Variants in YWHAZ observed in about 807,000 individuals in gnomAD.
YWHAZ encodes tyrosine 3-monooxygenase/tryptophan 5-monooxygenase activation protein zeta.
For synonymous variants in YWHAZ, 87 were observed against 103.6 expected (o/e 0.84, Z 0.97); for missense variants, 79 against 284.8 (o/e 0.28, Z 5.20).
chr8:100,923,878 T>TA (rs367978743), intron 5 of YWHAZ, 77 bp downstream of exon 5: 22,275 of 983,132 alleles, frequency 0.023, 14 homozygotes, highest in African/African-American at 0.03. Flanking sequence ...ATGTATTTAA[T>TA]AAAAAAAAAA....
At position 100,917,512 on chromosome 8, in the gene YWHAZ, G is replaced by C. The variant is rs1156747989; in HGVS notation, c.*3181C>G. 6.6e-6 allele frequency: 1 copy of C among 152,272 alleles called. No individual in the cohort carries two copies. The highest frequency in any genetic ancestry group is 1.9e-4 in the East Asian group (1 of 5,206). The allele number at this position is 152,272 out of a possible 1,614,324, so 9.4% of individuals were successfully genotyped here. A position where few individuals can be genotyped will look rare whatever the true frequency, so the allele number is the denominator to read the frequency against. Reference sequence around the variant, plus strand: ...AGGTGGGCGGATCACAAGGTCAGGAGAATGAGACCATCATGGCTAACACGG... The same window carrying C: ...AGGTGGGCGGATCACAAGGTCAGGACAATGAGACCATCATGGCTAACACGG... On this transcript the variant is annotated 3_prime_UTR_variant, in exon 6 of 6. Coordinates refer to ENST00000395958, the MANE Select transcript of YWHAZ (RefSeq NM_145690.3).
At chr8:100,952,156 A>G (rs1810840453), upstream of YWHAZ, 1 of 985,292 alleles carries the variant, frequency 1.0e-6, no homozygotes, top group South Asian at 4.7e-5. Flanking sequence ...TGGTGCCCAC[A>G]GCGATCGGGG....
intron 5 of YWHAZ, 55 bp from the exon 6 acceptor site, chr8:100,920,807 GGC>G: frequency 8.1e-6 from 4 of 494,064 alleles, no homozygotes; most frequent in Non-Finnish European, 1.5e-5. Context: ...GGGGGGGGGG[GGC>G]GTTTTCATAT....
chr8:100,950,525 C>T (rs953995241), intron 1 of YWHAZ: 9 of 985,520 alleles, frequency 9.1e-6, no homozygotes, highest in African/African-American at 1.7e-5. Flanking sequence ...GTCGGAGCCA[C>T]GGCTCAAGTC....
Position 100,951,251 on chromosome 8 carries a change from C to A in YWHAZ, c.-12+678G>T, listed in dbSNP as rs994306051. 483 of 984,932 alleles carry A rather than the reference C, an allele frequency of 4.9e-4. 1 individual carries two copies. Among genetic ancestry groups the A allele is most frequent in the Non-Finnish European group, 5.7e-4 (469 of 829,870 alleles). The allele number at this position is 984,932 out of a possible 1,614,324, so 61.0% of individuals were successfully genotyped here. On this transcript the variant is annotated intron_variant, in intron 1 of 5. Coordinates refer to ENST00000395958, the MANE Select transcript of YWHAZ (RefSeq NM_145690.3). ...CCGGTCTACCTGGCGGGCGCCGCCG[C>A]GCCAGGCCTGGGCTCCGGCCCGCTC...
chr8:100,950,694 C>G lies in YWHAZ; in HGVS notation c.-12+1235G>C, dbSNP rs1445107839. 4.0e-6 allele frequency: 3 copies of G among 754,804 alleles called. No homozygotes were observed. In the African/African-American group the frequency reaches 5.7e-5, roughly 14 times the overall value. 46.8% of individuals were successfully genotyped at this position (754,804 alleles called of 1,614,324 possible). On this transcript the variant is annotated intron_variant, in intron 1 of 5. Transcript: ENST00000395958. Reference sequence around the variant, plus strand: ...AGAGATGGGGAGCGAAGCCGCCCGACCCCGGGGCAGAGACGCCACAGCAGC... The same window carrying G: ...AGAGATGGGGAGCGAAGCCGCCCGAGCCCGGGGCAGAGACGCCACAGCAGC...
At chr8:100,936,581 A>G (rs1415000823) in intron 2 of YWHAZ, among the ~76,000 whole-genome samples, 1 of 152,156 alleles carries the variant, frequency 6.6e-6, no homozygotes, top group African/African-American at 2.4e-5. Flanking sequence ...CGGCCAAATC[A>G]CTTGAGGTCA....
At chr8:100,932,257 A>G (rs1813813537) in intron 2 of YWHAZ, among the ~76,000 whole-genome samples, 2 of 152,168 alleles carry the variant, frequency 1.3e-5, no homozygotes, top group African/African-American at 4.8e-5. Context: ...ACCACATTAG[A>G]CTTCAAGTAC....
intron 2 of YWHAZ, among the ~76,000 whole-genome samples, chr8:100,939,055 A>G (rs1459485199): frequency 6.6e-6 from 1 of 152,230 alleles, no homozygotes; most frequent in Non-Finnish European, 1.5e-5. Context: ...AATCAACAAG[A>G]AATCTGGCAA....
chr8:100,933,358 C>A (rs1476038833), intron 2 of YWHAZ, among the ~76,000 whole-genome samples: 34 of 141,978 alleles, frequency 2.4e-4, no homozygotes, highest in Non-Finnish European at 2.8e-4. Flanking sequence ...GCCTCCGTCT[C>A]AAAAAAAAAA....
chr8:100,941,515 T>TGG (rs1809854649), intron 2 of YWHAZ, among the ~76,000 whole-genome samples: 1 of 152,218 alleles, frequency 6.6e-6, no homozygotes, highest in South Asian at 2.1e-4. Context: ...CCGGGTATGG[T>TGG]GGCTCACGAC....
chr8:100,944,481 T>C (rs1176309114), intron 2 of YWHAZ, among the ~76,000 whole-genome samples: 1 of 152,214 alleles, frequency 6.6e-6, no homozygotes, highest in Non-Finnish European at 1.5e-5. Context: ...TTATAAATGT[T>C]AGACACACAA....
intron 1 of YWHAZ, chr8:100,951,575 C>A: frequency 1.0e-6 from 1 of 985,350 alleles, no homozygotes; most frequent in Non-Finnish European, 1.2e-6. Context: ...GGATCGCGGC[C>A]GGCGGCGCCC....
At chr8:100,925,235 T>C (rs1369959867) in intron 2 of YWHAZ, among the ~76,000 whole-genome samples, 196 bp from the exon 3 acceptor site, 2 of 152,220 alleles carry the variant, frequency 1.3e-5, no homozygotes, top group African/African-American at 4.8e-5. Flanking sequence ...TATTTTAAGT[T>C]TGAAGTTAGT....
At chr8:100,931,575 C>G (rs896898762) in intron 2 of YWHAZ, among the ~76,000 whole-genome samples, 1 of 152,110 alleles carries the variant, frequency 6.6e-6, no homozygotes, top group African/African-American at 2.4e-5. Context: ...AAATTCCACC[C>G]TAACCCATTA....
chr8:100,921,544 C>G (rs1379617138), intron 5 of YWHAZ, among the ~76,000 whole-genome samples: 1 of 152,176 alleles, frequency 6.6e-6, no homozygotes, highest in Admixed American at 6.5e-5. Context: ...AAGAACCAGC[C>G]TCAACTCTGA....
Position 100,951,936 on chromosome 8 carries a change from CG to C in YWHAZ, c.-20del, listed in dbSNP as rs1810821380. The C allele has an allele frequency of 1.0e-6, 1 of 1,000,466 alleles. No individual in the cohort carries two copies. Among genetic ancestry groups the C allele is most frequent in the Non-Finnish European group, 1.2e-6 (1 of 840,332 alleles). The allele number at this position is 1,000,466 out of a possible 1,614,324, so 62.0% of individuals were successfully genotyped here. On this transcript the variant is annotated 5_prime_UTR_variant, in exon 1 of 6. Coordinates refer to ENST00000395958, the MANE Select transcript of YWHAZ (RefSeq NM_145690.3). ...GGCGGCCGGGTTCCTCACCTGTGTC[CG>C]GAGTGGGTGGTGGCGGCGGACGGAC... is the stretch of plus-strand genomic sequence containing the variant.
intron 2 of YWHAZ, among the ~76,000 whole-genome samples, chr8:100,931,065 A>G (rs1187737406): frequency 9.5e-6 from 1 of 105,672 alleles, no homozygotes; most frequent in Non-Finnish European, 2.2e-5. Flanking sequence ...TTTAGAGATA[A>G]AAGAGATTTT....
chr8:100,918,443 T>TA lies in YWHAZ; in HGVS notation c.*2249dup, dbSNP rs1554611443. The TA allele has an allele frequency of 1.9e-3, 225 of 117,026 alleles. 2 individuals are homozygous for TA. The highest frequency in any genetic ancestry group is 3.6e-3 in the East Asian group (12 of 3,296). The allele number at this position is 117,026 out of a possible 1,614,324, so 7.2% of individuals were successfully genotyped here. On this transcript the variant is annotated 3_prime_UTR_variant, in exon 6 of 6. Coordinates refer to ENST00000395958, the MANE Select transcript of YWHAZ (RefSeq NM_145690.3). ...ATATATATATATATATATATATATA[T>TA]AATTATTTTACCTCCTTGGCTTGGG...
Sources: gnomAD v4.1 joint callset for allele counts (sites outside exome capture counted in the v4.1 genomes callset) on GRCh38, gnomAD v4.1.1 for gene constraint, MANE v1.5 for transcripts, NCBI Gene and HGNC (gene_info 2026-07-23, HGNC 2026-07-21) for gene names.